Variants in FYN observed in about 807,000 individuals in gnomAD.
The protein encoded by FYN is FYN proto-oncogene, Src family tyrosine kinase.
In FYN, 10 loss-of-function variants were observed where a neutral mutation model predicts 70.2. The observed-to-expected ratio is 0.14, with a 90% CI of 0.09 to 0.24. FYN has a LOEUF of 0.24. FYN is among the 10% of genes least tolerant of loss of function. The probability of loss-of-function intolerance (pLI) is 1.00; values close to 1 mark genes in which losing one functional copy is unlikely to be tolerated. For synonymous variants in FYN, 236 were observed against 248.6 expected (o/e 0.95, Z 0.48); for missense variants, 319 against 673.1 (o/e 0.47, Z 5.82).
intron 1 of FYN, 81 bp from the exon 2 acceptor site, chr6:111,846,710 C>T: frequency 2.5e-6 from 1 of 398,398 alleles, no homozygotes. Context: ...CAAAGCACCA[C>T]CATAGAATTT....
chr6:111,764,216 CAAA>C (rs11409465), intron 3 of FYN, among the ~76,000 whole-genome samples: 3 of 58,376 alleles, frequency 5.1e-5, no homozygotes, highest in Non-Finnish European at 8.4e-5. Flanking sequence ...TTTTGTCAAG[CAAA>C]AAAAAAAAAA....
intron 12 of FYN, among the ~76,000 whole-genome samples, chr6:111,692,104 C>T (rs1617340): frequency 0.022 from 3,201 of 145,992 alleles, 139 homozygotes; most frequent in African/African-American, 0.074. Flanking sequence ...CTTCATTTCC[C>T]CCCCCCCCAG....
intron 3 of FYN, among the ~76,000 whole-genome samples, chr6:111,745,665 C>CA (rs1273967695): frequency 1.3e-5 from 2 of 152,194 alleles, no homozygotes; most frequent in Non-Finnish European, 2.9e-5. Context: ...ATTTGTATTT[C>CA]AGAAACAGTG....
In FYN at chr6:111,702,730, T is replaced by C. The variant is rs1799898725; in HGVS notation, c.697+155A>G. The C allele has an allele frequency of 8.3e-6, 5 of 599,646 alleles. No homozygotes were observed. The East Asian group carries it at 1.2e-4, about 14-fold the overall frequency. 37.1% of individuals were successfully genotyped at this position (599,646 alleles called of 1,614,324 possible). ...AGTAGAACAATAGCAATAGAACCTA[T>C]ACAGCCAAGCCCTACCATTAAGGGC... is the stretch of plus-strand genomic sequence containing the variant. On this transcript the variant is annotated intron_variant, in intron 8 of 13. Coordinates refer to ENST00000354650, the MANE Select transcript of FYN (RefSeq NM_002037.5).
intron 1 of FYN, among the ~76,000 whole-genome samples, chr6:111,859,294 C>A (rs1239058052): frequency 6.6e-6 from 1 of 152,200 alleles, no homozygotes. Flanking sequence ...CACCGCAAGG[C>A]CAGATTTTTC....
chr6:111,738,184 A>G (rs1367979421), intron 3 of FYN, among the ~76,000 whole-genome samples: 2 of 152,170 alleles, frequency 1.3e-5, no homozygotes, highest in East Asian at 3.8e-4. Context: ...ACAATTTTAC[A>G]TTACTAGTGA....
intron 2 of FYN, among the ~76,000 whole-genome samples, chr6:111,820,972 G>C (rs1300890684): frequency 1.3e-5 from 2 of 152,162 alleles, no homozygotes; most frequent in Non-Finnish European, 2.9e-5. Context: ...GGTTAACCAT[G>C]ACTAATTAAC....
intron 1 of FYN, among the ~76,000 whole-genome samples, chr6:111,867,458 GAA>G (rs373634134): frequency 1.6e-4 from 11 of 70,458 alleles, no homozygotes; most frequent in Non-Finnish European, 2.8e-4. Flanking sequence ...TCCGTCTCGG[GAA>G]AAAAAAAAAA....
chr6:111,684,848 G>C (rs1233715373), intron 12 of FYN, among the ~76,000 whole-genome samples: 1 of 152,146 alleles, frequency 6.6e-6, no homozygotes, highest in Non-Finnish European at 1.5e-5. Flanking sequence ...TGTTATGGAG[G>C]CTTATTTAAG....
intron 9 of FYN, 75 bp from the exon 10 acceptor site, chr6:111,696,531 T>G: frequency 8.3e-7 from 1 of 1,204,012 alleles, no homozygotes; most frequent in African/African-American, 1.5e-5. Context: ...CACCAGCTAT[T>G]TGCATAAGAT....
At chr6:111,871,178 C>T (rs1165669699) in intron 1 of FYN, among the ~76,000 whole-genome samples, 1 of 152,206 alleles carries the variant, frequency 6.6e-6, no homozygotes, top group Admixed American at 6.5e-5. Context: ...CAAAACGGAA[C>T]ATTAAGCCCC....
chr6:111,743,091 C>T lies in FYN; in HGVS notation c.-11-23029G>A, dbSNP rs368250017. Among the ~76,000 whole-genome samples, 12 of 152,064 alleles carry T rather than the reference C, an allele frequency of 7.9e-5. No individual in the cohort carries two copies. In the East Asian group the frequency reaches 9.7e-4, roughly 12 times the overall value. Reference sequence around the variant, plus strand: ...AAGCAATTCTCCTGCCTCAGCCTCCCGAGTAGCTGGAACTGCAGGTGCGCG... The same window carrying T: ...AAGCAATTCTCCTGCCTCAGCCTCCTGAGTAGCTGGAACTGCAGGTGCGCG... On this transcript the variant is annotated intron_variant, in intron 3 of 13. Transcript: ENST00000354650.
At chr6:111,730,481 G>A (rs983053790) in intron 3 of FYN, among the ~76,000 whole-genome samples, 1 of 152,212 alleles carries the variant, frequency 6.6e-6, no homozygotes, top group Non-Finnish European at 1.5e-5. Flanking sequence ...CTCTCTGTGA[G>A]TGAGGTCATG....
intron 3 of FYN, among the ~76,000 whole-genome samples, chr6:111,765,032 G>C (rs1803174269): frequency 6.6e-6 from 1 of 152,048 alleles, no homozygotes; most frequent in Admixed American, 6.5e-5. Flanking sequence ...GAGGCAGCTA[G>C]AGTAGGCAGG....
At chr6:111,664,186 A>G (rs926898711) in intron 13 of FYN, among the ~76,000 whole-genome samples, 2 of 152,196 alleles carry the variant, frequency 1.3e-5, no homozygotes, top group Admixed American at 6.5e-5. Flanking sequence ...CCTTGGTTTC[A>G]TATTTCAGCA....
chr6:111,686,417 G>A lies in FYN; in HGVS notation c.1273+7958C>T, dbSNP rs908255863. Reference sequence around the variant, plus strand: ...CCTCGGAGGGCAGGGCATTCTGTCGGGCAAGTCCCCTGGGGTCTCTCCCTA... The same window carrying A: ...CCTCGGAGGGCAGGGCATTCTGTCGAGCAAGTCCCCTGGGGTCTCTCCCTA... On this transcript the variant is annotated intron_variant, in intron 12 of 13. Transcript: ENST00000354650. Among the ~76,000 whole-genome samples, 3 of 152,132 alleles carry A rather than the reference G, an allele frequency of 2.0e-5. No individual in the cohort carries two copies. In the East Asian group the frequency reaches 5.8e-4, roughly 29 times the overall value.
At chr6:111,713,490 G>A (rs1562486157) in intron 5 of FYN, among the ~76,000 whole-genome samples, 3 of 152,044 alleles carry the variant, frequency 2.0e-5, no homozygotes, top group Non-Finnish European at 2.9e-5. Flanking sequence ...CCCAACCACC[G>A]GGAGCACTCA....
chr6:111,694,622 G>A lies in FYN; in HGVS notation c.1119+6C>T. 1 of 1,613,702 alleles carries A rather than the reference G, an allele frequency of 6.2e-7. No individual in the cohort carries two copies. The highest frequency in any genetic ancestry group is 8.5e-7 in the Non-Finnish European group (1 of 1,179,874). On this transcript the variant is annotated splice_donor_region_variant and intron_variant, in intron 11 of 13. Transcript: ENST00000354650. The surrounding 1 kb of genome is among the most constrained non-coding windows in gnomAD (Gnocchi z 5.0). The stretch of plus-strand genomic sequence containing the variant: ...ATGGCACATCAAGTTACCCTGCAGG[G>A]CCTACCTGTGCTGCCATGTCCACAA...
At chr6:111,715,392 A>G (rs1800586703) in intron 4 of FYN, among the ~76,000 whole-genome samples, 2 of 152,010 alleles carry the variant, frequency 1.3e-5, no homozygotes, top group African/African-American at 4.8e-5. Flanking sequence ...AACAGGCATA[A>G]TTCTAGCATA....
Sources: gnomAD v4.1 joint callset for allele counts (sites outside exome capture counted in the v4.1 genomes callset) on GRCh38, gnomAD v4.1.1 for gene constraint, Gnocchi (gnomAD v3.1) non-coding constraint, MANE v1.5 for transcripts, NCBI Gene and HGNC (gene_info 2026-07-23, HGNC 2026-07-21) for gene names.